Variants in ASCC1 observed in about 807,000 individuals in gnomAD.
The protein encoded by ASCC1 is ASC-1 complex subunit P50.
In ASCC1, 35 loss-of-function variants were observed where a neutral mutation model predicts 46.6. That is an observed-to-expected ratio of 0.75 (90% CI 0.57 to 0.99). The LOEUF (loss-of-function observed/expected upper bound fraction) is 0.99, where lower values mean the gene tolerates loss of function less well. ASCC1 is among the 50% of genes least tolerant of loss of function. ASCC1 has a pLI of 0.00. For synonymous variants in ASCC1, 143 were observed against 146.6 expected (o/e 0.98, Z 0.18); for missense variants, 376 against 428.7 (o/e 0.88, Z 1.09).
chr10:72,212,949 T>C (rs549744602), intron 2 of ASCC1, among the ~76,000 whole-genome samples: 86 of 152,198 alleles, frequency 5.7e-4, no homozygotes, highest in African/African-American at 2.0e-3. Flanking sequence ...AAAATTTCTC[T>C]ATGATATTTA....
chr10:72,141,044 GATAGATA>G (rs1846911972), intron 7 of ASCC1, among the ~76,000 whole-genome samples: 2 of 123,490 alleles, frequency 1.6e-5, no homozygotes, highest in Non-Finnish European at 3.5e-5. Context: ...TTTATAGATA[GATAGATA>G]GATAGATAGA....
At chr10:72,132,624 GTC>G (rs1845739146) in intron 8 of ASCC1, among the ~76,000 whole-genome samples, 1 of 151,782 alleles carries the variant, frequency 6.6e-6, no homozygotes, top group Non-Finnish European at 1.5e-5. Flanking sequence ...AACCAAAAAT[GTC>G]TCCAGACAAT....
intron 7 of ASCC1, among the ~76,000 whole-genome samples, chr10:72,137,716 T>A (rs1279950978): frequency 2.6e-5 from 4 of 152,090 alleles, no homozygotes; most frequent in Non-Finnish European, 5.9e-5. Flanking sequence ...AAGGAAAACA[T>A]AACCTCACCA....
At chr10:72,206,405 C>CA (rs1038287488) in intron 3 of ASCC1, among the ~76,000 whole-genome samples, 32 of 149,580 alleles carry the variant, frequency 2.1e-4, no homozygotes, top group African/African-American at 4.7e-4. Context: ...ACTCCCGTCT[C>CA]AAAAAAAAAT....
chr10:72,198,587 C>T (rs905058750), intron 4 of ASCC1: 16 of 455,452 alleles, frequency 3.5e-5, no homozygotes, highest in Admixed American at 3.3e-4. Context: ...GTTCCATTGC[C>T]TGAGATTTCA....
intron 5 of ASCC1, among the ~76,000 whole-genome samples, chr10:72,183,185 G>C (rs986682273): frequency 6.6e-6 from 1 of 151,424 alleles, no homozygotes; most frequent in Non-Finnish European, 1.5e-5. Flanking sequence ...CTGGGATTAC[G>C]GGCACCCGCC....
At chr10:72,130,680 C>A (rs943967221) in intron 8 of ASCC1, among the ~76,000 whole-genome samples, 7 of 152,174 alleles carry the variant, frequency 4.6e-5, no homozygotes, top group South Asian at 2.1e-4. Context: ...ACTGTCTATA[C>A]CTGCAACGCC....
chr10:72,161,659 T>C lies in ASCC1; in HGVS notation c.505A>G (p.Ser169Gly). 1 of 1,614,150 alleles carries C rather than the reference T, an allele frequency of 6.2e-7. No homozygotes were observed. The highest frequency in any genetic ancestry group is 8.5e-7 in the Non-Finnish European group (1 of 1,180,026). Residue 169 changes from serine to glycine, a missense_variant, in exon 6 of 10, where the codon AGC becomes GGC. By Grantham distance (56) the Ser-to-Gly change is moderately conservative. Transcript: ENST00000672957. ...TTTTTAGGATTCTGGAAAATGCTGC[T>C]GTCAACCCCATGATCCTGTTATCAA... ...AKCSMDHGVDSSIFQNPKKLH... is the reference protein window; with the variant it reads ...AKCSMDHGVDGSIFQNPKKLH...
chr10:72,193,445 A>AACACACAC (rs57910616), intron 5 of ASCC1, among the ~76,000 whole-genome samples: 33 of 146,408 alleles, frequency 2.3e-4, no homozygotes, highest in African/African-American at 7.6e-4. Flanking sequence ...TAATAAACAA[A>AACACACAC]ACACACACAC....
At chr10:72,189,959 A>G (rs1854159471) in intron 5 of ASCC1, 13 of 749,418 alleles carry the variant, frequency 1.7e-5, no homozygotes, top group Non-Finnish European at 2.9e-5. Flanking sequence ...ACACAAGTAT[A>G]TCCAGGAGCT....
At chr10:72,182,602 T>C (rs1454800718) in intron 5 of ASCC1, among the ~76,000 whole-genome samples, 1 of 152,178 alleles carries the variant, frequency 6.6e-6, no homozygotes, top group East Asian at 1.9e-4. Flanking sequence ...TAAAGAGGAC[T>C]GTATTATTTT....
intron 7 of ASCC1, among the ~76,000 whole-genome samples, chr10:72,134,919 A>T (rs1279184123): frequency 6.6e-6 from 1 of 152,224 alleles, no homozygotes. Context: ...CTATCAGAGC[A>T]GTTTTGCTAG....
chr10:72,209,676 C>G (rs1451744342), intron 3 of ASCC1, among the ~76,000 whole-genome samples: 1 of 152,012 alleles, frequency 6.6e-6, no homozygotes, highest in African/African-American at 2.4e-5. Flanking sequence ...CCCAGCTACT[C>G]AGGAGGCTGA....
At chr10:72,150,134 G>A (rs1164753173) in intron 7 of ASCC1, among the ~76,000 whole-genome samples, 1 of 151,402 alleles carries the variant, frequency 6.6e-6, no homozygotes, top group Non-Finnish European at 1.5e-5. Flanking sequence ...GCAGTGAGCT[G>A]AGATCACACC....
At chr10:72,158,004 C>T (rs571587326) in intron 6 of ASCC1, among the ~76,000 whole-genome samples, 1 of 152,200 alleles carries the variant, frequency 6.6e-6, no homozygotes, top group African/African-American at 2.4e-5. Context: ...TATACATGTC[C>T]TCACTCTTAA....
chr10:72,161,867 T>G (rs1564674026), intron 5 of ASCC1, among the ~76,000 whole-genome samples, 193 bp from the exon 6 acceptor site: 1 of 152,040 alleles, frequency 6.6e-6, no homozygotes, highest in African/African-American at 2.4e-5. Context: ...TGCAAAAGAA[T>G]AAAGATAGAC....
chr10:72,193,926 C>G lies in ASCC1; in HGVS notation c.489+2885G>C, dbSNP rs1183939309. Among the ~76,000 whole-genome samples, 2 of 151,838 alleles carry G rather than the reference C, an allele frequency of 1.3e-5. 1 individual carries two copies. On this transcript the variant is annotated intron_variant, in intron 5 of 9. Transcript: ENST00000672957. Reference sequence around the variant, plus strand: ...CTCTGCTCACCGCAAGCTCCACCTCCCGGATTCACGTCACTCTCCTGCCTC... The same window carrying G: ...CTCTGCTCACCGCAAGCTCCACCTCGCGGATTCACGTCACTCTCCTGCCTC...
intron 5 of ASCC1, among the ~76,000 whole-genome samples, chr10:72,190,933 T>C (rs1197335848): frequency 7.0e-6 from 1 of 143,852 alleles, no homozygotes; most frequent in African/African-American, 2.6e-5. Flanking sequence ...GAGGCGGAGG[T>C]TGCCGTGAGC....
intron 7 of ASCC1, among the ~76,000 whole-genome samples, chr10:72,139,114 C>CTTTTTTTT (rs1222967667): frequency 3.1e-5 from 4 of 130,716 alleles, no homozygotes; most frequent in African/African-American, 3.1e-5. Context: ...TTTTCTTTTT[C>CTTTTTTTT]TTTTTTTTTT....
Sources: gnomAD v4.1 joint callset for allele counts (sites outside exome capture counted in the v4.1 genomes callset) on GRCh38, gnomAD v4.1.1 for gene constraint, MANE v1.5 for transcripts, NCBI Gene and HGNC (gene_info 2026-07-23, HGNC 2026-07-21) for gene names.